IRAK1BP1: variants seen among roughly 807,000 people sequenced by gnomAD.
The protein encoded by IRAK1BP1 is interleukin 1 receptor associated kinase 1 binding protein 1, also known as interleukin-1 receptor-associated kinase 1-binding protein 1.
IRAK1BP1 carries 24 observed loss-of-function variants against 28.0 expected under a neutral mutation model. That is an observed-to-expected ratio of 0.86 (90% CI 0.62 to 1.20). The LOEUF is 1.20. IRAK1BP1 is among the 50% of genes most tolerant of loss of function. IRAK1BP1 has a pLI of 0.00. For missense variants in IRAK1BP1, 336 were observed against 316.7 expected (o/e 1.06, Z -0.46); for synonymous variants, 131 against 116.3 (o/e 1.13, Z -0.81).
At chr6:78,888,873 T>C (rs938932849) in intron 2 of IRAK1BP1, among the ~76,000 whole-genome samples, 1 of 151,926 alleles carries the variant, frequency 6.6e-6, no homozygotes, top group Non-Finnish European at 1.5e-5. Context: ...ATCCCAGCAC[T>C]TTGGGAGGCT....
intron 1 of IRAK1BP1, among the ~76,000 whole-genome samples, chr6:78,875,305 T>A (rs1362445224): frequency 1.3e-4 from 20 of 152,312 alleles, no homozygotes; most frequent in Admixed American, 9.1e-4. Context: ...GTTCTGCCAC[T>A]GTGAACAGCA....
At chr6:78,885,351 C>G (rs964665357) in intron 1 of IRAK1BP1, 27 bp from the exon 2 acceptor site, 1 of 1,331,188 alleles carries the variant, frequency 7.5e-7, no homozygotes, top group South Asian at 1.2e-5. Flanking sequence ...ATTTAGTAAT[C>G]ATACTCTTGG....
intron 1 of IRAK1BP1, among the ~76,000 whole-genome samples, chr6:78,882,780 G>C (rs2127644158): frequency 6.6e-6 from 1 of 152,224 alleles, no homozygotes; most frequent in East Asian, 1.9e-4. Flanking sequence ...AGAAAAACTG[G>C]TGAAATCCAA....
chr6:78,923,902 G>A (rs1023884036), intron 4 of IRAK1BP1, among the ~76,000 whole-genome samples: 2 of 152,124 alleles, frequency 1.3e-5, no homozygotes, highest in African/African-American at 4.8e-5. Flanking sequence ...CAGAATCTCT[G>A]GGGCACATTC....
At chr6:78,918,766 A>C (rs1239862437) in intron 4 of IRAK1BP1, among the ~76,000 whole-genome samples, 2 of 152,180 alleles carry the variant, frequency 1.3e-5, no homozygotes. Context: ...GGGGGACTTC[A>C]ACACCCTCCT....
rs114001360 is a variant in IRAK1BP1, at chr6:78,893,771, G to A, written c.382-4058G>A. Among the ~76,000 whole-genome samples the A allele has an allele frequency of 6.5e-3, 995 of 152,034 alleles. 9 individuals carry two copies. Among genetic ancestry groups the A allele is most frequent in the African/African-American group, 0.022 (928 of 41,470 alleles). ...ATGCAGAAATCAGCCAGGCATGGTG[G>A]TCACGCCTGTAGTCCCAGCTACTCA... On this transcript the variant is annotated intron_variant, in intron 2 of 3. Transcript: ENST00000369940.
At chr6:78,919,132 A>T (rs955700579) in intron 4 of IRAK1BP1, among the ~76,000 whole-genome samples, 2 of 152,222 alleles carry the variant, frequency 1.3e-5, no homozygotes, top group African/African-American at 2.4e-5. Context: ...GCAGAAATTT[A>T]AAAAGTTCTT....
chr6:78,960,507 G>A, the IRAK1BP1 span, among the ~76,000 whole-genome samples: 477 of 149,076 alleles, frequency 3.2e-3, 3 homozygotes, highest in African/African-American at 0.011. Context: ...AAGACTTGAA[G>A]AATGCTTTGA....
the IRAK1BP1 span, among the ~76,000 whole-genome samples, chr6:78,968,121 C>T: frequency 5.9e-5 from 9 of 151,912 alleles, no homozygotes; most frequent in Non-Finnish European, 8.8e-5. Flanking sequence ...GGTGACAGAG[C>T]GAGACTCCAT....
At chr6:78,967,147 T>C in the IRAK1BP1 span, among the ~76,000 whole-genome samples, 4 of 152,244 alleles carry the variant, frequency 2.6e-5, no homozygotes, top group East Asian at 3.9e-4. Flanking sequence ...TAAAAACATA[T>C]AGCATGAAAT....
chr6:78,912,293 CAAAA>C (rs1466460752), intron 4 of IRAK1BP1, among the ~76,000 whole-genome samples: 2 of 151,954 alleles, frequency 1.3e-5, no homozygotes, highest in Non-Finnish European at 2.9e-5. Context: ...GTTCTGCTGA[CAAAA>C]GAAAGTGGAA....
the IRAK1BP1 span, chr6:78,955,382 C>T: frequency 1.2e-6 from 1 of 858,548 alleles, no homozygotes; most frequent in Non-Finnish European, 1.8e-6. Flanking sequence ...ACTGGAACAC[C>T]TGTAATGTAT....
downstream of IRAK1BP1, among the ~76,000 whole-genome samples, chr6:78,907,185 T>C (rs1772283762): frequency 6.6e-6 from 1 of 152,220 alleles, no homozygotes; most frequent in Admixed American, 6.5e-5. Context: ...CAAATTATTT[T>C]AGAAATATTT....
At chr6:78,879,167 A>C (rs1217250282) in intron 1 of IRAK1BP1, among the ~76,000 whole-genome samples, 1 of 152,084 alleles carries the variant, frequency 6.6e-6, no homozygotes, top group East Asian at 1.9e-4. Context: ...ACTTGGACAC[A>C]GGATGGGGAA....
At chr6:78,955,398 G>C in the IRAK1BP1 span, 1 of 747,886 alleles carries the variant, frequency 1.3e-6, no homozygotes, top group Non-Finnish European at 2.1e-6. Flanking sequence ...TGTATATGCT[G>C]GGGCACTTTA....
At chr6:78,878,637 A>G (rs968237737) in intron 1 of IRAK1BP1, among the ~76,000 whole-genome samples, 3 of 152,330 alleles carry the variant, frequency 2.0e-5, no homozygotes, top group Non-Finnish European at 2.9e-5. Context: ...ACAAAGCTGG[A>G]CTGAGAATGA....
downstream of IRAK1BP1, among the ~76,000 whole-genome samples, chr6:78,906,601 C>T (rs9448592): frequency 2.6e-5 from 4 of 152,068 alleles, no homozygotes; most frequent in Admixed American, 2.0e-4. Context: ...TGGAGTGTTA[C>T]AATTTATTGA....
the IRAK1BP1 span, chr6:78,958,465 G>A: frequency 2.8e-6 from 4 of 1,438,354 alleles, no homozygotes; most frequent in East Asian, 6.8e-5. Context: ...CATATGAAAA[G>A]ATAACTTACT....
chr6:78,923,995 T>C (rs931808990), intron 4 of IRAK1BP1, among the ~76,000 whole-genome samples: 2 of 151,732 alleles, frequency 1.3e-5, no homozygotes, highest in African/African-American at 4.8e-5. Context: ...ACCCTAACAT[T>C]ACAATTAAAA....
Sources: gnomAD v4.1 joint callset for allele counts (sites outside exome capture counted in the v4.1 genomes callset) on GRCh38, gnomAD v4.1.1 for gene constraint, MANE v1.5 for transcripts, NCBI Gene and HGNC (gene_info 2026-07-23, HGNC 2026-07-21) for gene names.